SSH1: variants seen among roughly 807,000 people sequenced by gnomAD.
SSH1 encodes slingshot protein phosphatase 1.
In SSH1, 43 loss-of-function variants were observed where a neutral mutation model predicts 79.7. The observed-to-expected ratio is 0.54, with a 90% confidence interval of 0.42 to 0.70. The LOEUF is 0.70. Ranked by LOEUF, SSH1 falls within the 30% of genes least tolerant of loss-of-function variation. SSH1 has a pLI of 0.00. For missense variants in SSH1, 1,206 were observed against 1,358.8 expected (o/e 0.89, Z 1.77); for synonymous variants, 599 against 538.3 (o/e 1.11, Z -1.56).
At chr12:108,845,138 G>A (rs1228344115) in intron 2 of SSH1, among the ~76,000 whole-genome samples, 1 of 150,638 alleles carries the variant, frequency 6.6e-6, no homozygotes, top group Non-Finnish European at 1.5e-5. Context: ...GAACCCAGGA[G>A]GCAGAGGCTG....
chr12:108,842,337 G>C (rs986082776), intron 2 of SSH1, among the ~76,000 whole-genome samples: 5 of 152,210 alleles, frequency 3.3e-5, no homozygotes, highest in African/African-American at 1.2e-4. Context: ...ACAGGGGTTA[G>C]GGCAGGACTC....
chr12:108,792,466 T>A lies in SSH1; in HGVS notation c.1713A>T (p.Lys571Asn), dbSNP rs201988245. 1 of 1,614,160 alleles carries A rather than the reference T, an allele frequency of 6.2e-7. No individual in the cohort carries two copies. The highest frequency in any genetic ancestry group is 2.2e-5 in the East Asian group (1 of 44,878). ...SGLCEKDVKK[K>N]LEFGSPKGRS... ...GACCTTTGGGACTCCCAAACTCTAGTTTCTTCTTCACATCCTTCTCACAGA... is the reference window on the plus strand; with the variant it reads ...GACCTTTGGGACTCCCAAACTCTAGATTCTTCTTCACATCCTTCTCACAGA... Residue 571 changes from lysine to asparagine, a missense_variant, in exon 14 of 15, where the codon AAA (lysine) becomes AAT (asparagine). Transcript: ENST00000326495.
intron 5 of SSH1, among the ~76,000 whole-genome samples, chr12:108,814,212 A>G (rs1565994530): frequency 6.6e-6 from 1 of 152,204 alleles, no homozygotes; most frequent in Non-Finnish European, 1.5e-5. Flanking sequence ...TGATAGAGTG[A>G]GACCCCATCT....
intron 14 of SSH1, among the ~76,000 whole-genome samples, chr12:108,789,795 C>G (rs544010822): frequency 6.6e-6 from 1 of 152,290 alleles, no homozygotes; most frequent in African/African-American, 2.4e-5. Context: ...TACCCCACCC[C>G]GCCTGCACAG....
At chr12:108,823,786 G>A (rs2038215338) in intron 2 of SSH1, among the ~76,000 whole-genome samples, 1 of 152,112 alleles carries the variant, frequency 6.6e-6, no homozygotes, top group African/African-American at 2.4e-5. Context: ...TCATGTCTCA[G>A]CCTCCCCAGA....
chr12:108,819,315 C>T lies in SSH1; in HGVS notation c.215-1002G>A, dbSNP rs373958383. 1.5e-3 allele frequency among the ~76,000 whole-genome samples: 234 copies of T among 152,232 alleles called. 1 individual carries two copies. Among genetic ancestry groups the T allele is most frequent in the Non-Finnish European group, 1.6e-3 (108 of 68,016 alleles). On this transcript the variant is annotated intron_variant, in intron 3 of 14. Transcript: ENST00000326495. ...GCTGCCCCAGGGTTCAGGAGGTGTT[C>T]CTGGAGTGCAGTGAGGAAAGTCTCT...
chr12:108,827,406 C>A (rs1437371961), intron 2 of SSH1: 1 of 1,478,480 alleles, frequency 6.8e-7, no homozygotes, highest in South Asian at 1.4e-5. Context: ...CTCTGGCCAT[C>A]TGCTCCCTAT....
rs1385892754 is a variant in SSH1, at chr12:108,782,471, A to C, written c.*5517T>G. 1.3e-5 allele frequency: 2 copies of C among 152,006 alleles called. No individual in the cohort carries two copies. The highest frequency in any genetic ancestry group is 2.9e-5 in the Non-Finnish European group (2 of 68,010). The allele number at this position is 152,006 out of a possible 1,614,324, so 9.4% of individuals were successfully genotyped here. A position where few individuals can be genotyped will look rare whatever the true frequency, so the allele number is the denominator to read the frequency against. ...CAGGTGGGCCTGTTCTTGCTTACTGACAAAATTAGAAAGAAAACAGACTAG... is the reference window on the plus strand; with the variant it reads ...CAGGTGGGCCTGTTCTTGCTTACTGCCAAAATTAGAAAGAAAACAGACTAG... On this transcript the variant is annotated 3_prime_UTR_variant, in exon 15 of 15. Coordinates refer to ENST00000326495, the MANE Select transcript of SSH1 (RefSeq NM_018984.4).
intron 3 of SSH1, among the ~76,000 whole-genome samples, chr12:108,822,837 CA>C (rs1248965746): frequency 6.6e-6 from 1 of 152,200 alleles, no homozygotes; most frequent in East Asian, 1.9e-4. Flanking sequence ...AGAAATTCTC[CA>C]AATGAGTGTT....
intron 10 of SSH1, among the ~76,000 whole-genome samples, chr12:108,804,142 C>A (rs541507187): frequency 6.6e-6 from 1 of 152,254 alleles, no homozygotes; most frequent in South Asian, 2.1e-4. Context: ...GGCTGGCTTC[C>A]AACTCCTAGG....
At chr12:108,809,441 A>T (rs1283895146) in intron 7 of SSH1, among the ~76,000 whole-genome samples, 3 of 148,548 alleles carry the variant, frequency 2.0e-5, no homozygotes, top group Admixed American at 6.7e-5. Flanking sequence ...TGGGTGACGG[A>T]GCAAGACCCT....
chr12:108,802,479 C>G lies in SSH1; in HGVS notation c.955-111G>C, dbSNP rs2037056567. Reference sequence around the variant, plus strand: ...GGCGGTGAGGTCTTATTTCATGGCCCCATTGGCCTCAGAGAACAGAGAGAA... The same window carrying G: ...GGCGGTGAGGTCTTATTTCATGGCCGCATTGGCCTCAGAGAACAGAGAGAA... On this transcript the variant is annotated intron_variant, in intron 10 of 14. Coordinates refer to ENST00000326495, the MANE Select transcript of SSH1 (RefSeq NM_018984.4). 14 of 925,534 alleles carry G rather than the reference C, an allele frequency of 1.5e-5. No homozygotes were observed. In the East Asian group the frequency reaches 3.4e-4, roughly 23 times the overall value. The allele number at this position is 925,534 out of a possible 1,614,324, so 57.3% of individuals were successfully genotyped here.
At chr12:108,817,838 G>C (rs2037961838) in intron 4 of SSH1, among the ~76,000 whole-genome samples, 1 of 152,138 alleles carries the variant, frequency 6.6e-6, no homozygotes, top group South Asian at 2.1e-4. Flanking sequence ...TTGAGAATTT[G>C]TTGTAACCTA....
chr12:108,822,209 C>T (rs1213507567), intron 3 of SSH1, among the ~76,000 whole-genome samples: 1 of 152,132 alleles, frequency 6.6e-6, no homozygotes, highest in Non-Finnish European at 1.5e-5. Flanking sequence ...TGTGGTGACA[C>T]ATCAGCCTCG....
At chr12:108,818,443 G>C in intron 3 of SSH1, 130 bp from the exon 4 acceptor site, 2 of 746,938 alleles carry the variant, frequency 2.7e-6, no homozygotes, top group Non-Finnish European at 4.5e-6. Context: ...TACACCACAG[G>C]AGAATCACCA....
intron 13 of SSH1, among the ~76,000 whole-genome samples, chr12:108,794,428 TG>T (rs1473155383): frequency 6.6e-6 from 1 of 152,172 alleles, no homozygotes; most frequent in Non-Finnish European, 1.5e-5. Context: ...CCACTGGCTG[TG>T]TATGGGGGAT....
At chr12:108,826,565 G>C (rs1331207564) in intron 2 of SSH1, among the ~76,000 whole-genome samples, 1 of 152,054 alleles carries the variant, frequency 6.6e-6, no homozygotes, top group Non-Finnish European at 1.5e-5. Flanking sequence ...GGAGGCCGCA[G>C]AGCATGGTCA....
chr12:108,788,619 G>C lies in SSH1; in HGVS notation c.2519C>G (p.Ala840Gly), dbSNP rs749773694. 21 of 1,610,734 alleles carry C rather than the reference G, an allele frequency of 1.3e-5. No homozygotes were observed. In the African/African-American group the frequency reaches 2.4e-4, roughly 18 times the overall value. ...GGCAGGGCCATCCCTGGAGGGAGGT[G>C]CTGGGTCTGCAGGCACGCTCTTCAG... ...ERLKSVPADP[A>G]PPSRDGPASR... Residue 840 changes from alanine to glycine, a missense_variant, in exon 15 of 15, where the codon GCA becomes GGA. Physicochemically the swap from Ala to Gly is moderately conservative, Grantham distance 60. Transcript: ENST00000326495.
intron 2 of SSH1, 23 bp downstream of exon 2, chr12:108,852,615 A>G: frequency 5.0e-6 from 8 of 1,613,666 alleles, no homozygotes; most frequent in Non-Finnish European, 6.8e-6. Context: ...AGACTTAGGA[A>G]CAAGAATTGA....
Sources: gnomAD v4.1 joint callset for allele counts (sites outside exome capture counted in the v4.1 genomes callset) on GRCh38, gnomAD v4.1.1 for gene constraint, MANE v1.5 for transcripts, NCBI Gene and HGNC (gene_info 2026-07-23, HGNC 2026-07-21) for gene names.